The following PCNP variants were observed in gnomAD, a reference collection of about 807,000 sequenced individuals.
PCNP encodes the protein PEST proteolytic signal containing nuclear protein, also known as PEST proteolytic signal-containing nuclear protein.
Under a neutral mutation model 21.8 loss-of-function variants are expected in PCNP, and 6 were observed. The observed-to-expected ratio is 0.28, with a 90% CI of 0.15 to 0.54. The LOEUF (loss-of-function observed/expected upper bound fraction) is 0.54, where lower values mean the gene tolerates loss of function less well. PCNP is among the 20% of genes least tolerant of loss of function. PCNP has a pLI of 0.95. For missense variants in PCNP, 161 were observed against 215.5 expected (o/e 0.75, Z 1.58); for synonymous variants, 67 against 73.2 (o/e 0.92, Z 0.43).
Position 101,586,545 on chromosome 3 carries a change from C to CGTGTGTGTGTGTGTGTGT in PCNP, c.354+1044_354+1061dup, listed in dbSNP as rs377617517. The stretch of plus-strand genomic sequence containing the variant: ...CCAAAAGCATATGTGGGCGTATATT[C>CGTGTGTGTGTGTGTGTGT]GTGTGTGTGTGTGTGTGTGTGTGTG... On this transcript the variant is annotated intron_variant, in intron 3 of 4. Transcript: ENST00000265260. Among the ~76,000 whole-genome samples the CGTGTGTGTGTGTGTGTGT allele has an allele frequency of 2.3e-3, 231 of 99,712 alleles. 1 individual carries two copies. The highest frequency in any genetic ancestry group is 5.3e-3 in the Middle Eastern group (1 of 190). 65.4% of individuals were successfully genotyped at this position (99,712 alleles called of 152,430 possible).
At chr3:101,590,362 T>G (rs1935742185) in intron 4 of PCNP, 92 bp downstream of exon 4, 14 of 713,702 alleles carry the variant, frequency 2.0e-5, no homozygotes, top group Non-Finnish European at 3.0e-5. Context: ...CAGGCTTTTC[T>G]TGTGCATTTG....
intron 1 of PCNP, among the ~76,000 whole-genome samples, 181 bp downstream of exon 1, chr3:101,574,460 C>A (rs1934746918): frequency 6.6e-6 from 1 of 152,196 alleles, no homozygotes. Flanking sequence ...GGGCCTACAT[C>A]GCCTCCTTGC....
intron 2 of PCNP, among the ~76,000 whole-genome samples, chr3:101,584,982 C>T (rs555380598): frequency 6.6e-5 from 10 of 152,198 alleles, no homozygotes; most frequent in South Asian, 2.1e-4. Flanking sequence ...CCAGCCTGGG[C>T]GACAGAGCAA....
chr3:101,578,529 C>T (rs1406507504), intron 1 of PCNP, among the ~76,000 whole-genome samples: 4 of 152,192 alleles, frequency 2.6e-5, no homozygotes, highest in African/African-American at 9.7e-5. Flanking sequence ...CATAATCCTG[C>T]TTAATTTCCC....
At chr3:101,590,559 C>T (rs1935750482) in intron 4 of PCNP, among the ~76,000 whole-genome samples, 1 of 152,126 alleles carries the variant, frequency 6.6e-6, no homozygotes, top group African/African-American at 2.4e-5. Context: ...TTTAAGACTA[C>T]TTCTTGACAG....
chr3:101,574,781 T>G (rs1280957096), intron 1 of PCNP: 1 of 153,712 alleles, frequency 6.5e-6, no homozygotes, highest in East Asian at 1.9e-4. Flanking sequence ...TGCTGCTCCC[T>G]TTTCACTGAG....
chr3:101,578,835 T>G (rs146335695), intron 1 of PCNP, among the ~76,000 whole-genome samples: 7 of 152,298 alleles, frequency 4.6e-5, no homozygotes, highest in Non-Finnish European at 8.8e-5. Flanking sequence ...AAACTCTTGA[T>G]CCAGTGTAGC....
At chr3:101,586,081 G>C (rs1014487915) in intron 3 of PCNP, among the ~76,000 whole-genome samples, 2 of 146,322 alleles carry the variant, frequency 1.4e-5, no homozygotes, top group African/African-American at 5.1e-5. Flanking sequence ...TGAGGCAGGA[G>C]AATTGCTTGA....
At chr3:101,583,601 G>C (rs1005093566) in intron 2 of PCNP, among the ~76,000 whole-genome samples, 1 of 151,974 alleles carries the variant, frequency 6.6e-6, no homozygotes, top group Admixed American at 6.6e-5. Flanking sequence ...GGGTGACAGA[G>C]TAAGACCTTG....
intron 2 of PCNP, among the ~76,000 whole-genome samples, chr3:101,584,331 G>T (rs568190391): frequency 6.6e-6 from 1 of 152,158 alleles, no homozygotes; most frequent in Non-Finnish European, 1.5e-5. Flanking sequence ...AGAGATGGGG[G>T]ACTTGCTGTG....
At chr3:101,586,010 A>G (rs919104448) in intron 3 of PCNP, among the ~76,000 whole-genome samples, 1 of 151,978 alleles carries the variant, frequency 6.6e-6, no homozygotes, top group African/African-American at 2.4e-5. Flanking sequence ...ATCTCTACTA[A>G]AAATACAAAA....
At chr3:101,576,508 C>T (rs1035739714) in intron 1 of PCNP, 1 of 1,609,174 alleles carries the variant, frequency 6.2e-7, no homozygotes, top group South Asian at 1.1e-5. Flanking sequence ...CTTGGACACA[C>T]CCACGGTGCG....
intron 3 of PCNP, among the ~76,000 whole-genome samples, chr3:101,588,996 A>G (rs1935671507): frequency 6.6e-6 from 1 of 152,246 alleles, no homozygotes; most frequent in African/African-American, 2.4e-5. Flanking sequence ...AGAATATGTG[A>G]AAATAATATG....
At chr3:101,591,929 A>G (rs993519144) in intron 4 of PCNP, among the ~76,000 whole-genome samples, 2 of 151,542 alleles carry the variant, frequency 1.3e-5, no homozygotes, top group Non-Finnish European at 2.9e-5. Flanking sequence ...ACACCAGCAC[A>G]CCTGACTGAT....
At chr3:101,584,638 C>G (rs1935403979) in intron 2 of PCNP, among the ~76,000 whole-genome samples, 2 of 152,162 alleles carry the variant, frequency 1.3e-5, no homozygotes, top group African/African-American at 4.8e-5. Flanking sequence ...GATCTCACCT[C>G]ACTGCAACCT....
At chr3:101,576,762 A>G in intron 1 of PCNP, 3 of 1,611,714 alleles carry the variant, frequency 1.9e-6, no homozygotes, top group Admixed American at 1.7e-5. Flanking sequence ...GTTCCACCTC[A>G]TCATCAGTGA....
In PCNP at chr3:101,586,622, T is replaced by A. The variant is rs571826377; in HGVS notation, c.354+1111T>A. ...GTTTCAGAGAGAGAGAGAGAGAGAGTGTGTCTTGCTTTGTTGCCTAGGCCG... is the reference window on the plus strand; with the variant it reads ...GTTTCAGAGAGAGAGAGAGAGAGAGAGTGTCTTGCTTTGTTGCCTAGGCCG... On this transcript the variant is annotated intron_variant, in intron 3 of 4. Transcript: ENST00000265260. Among the ~76,000 whole-genome samples the A allele has an allele frequency of 5.1e-3, 688 of 134,520 alleles. 6 individuals are homozygous for A. Among genetic ancestry groups the A allele is most frequent in the Admixed American group, 0.014 (183 of 13,408 alleles). The allele number at this position is 134,520 out of a possible 152,430, so 88.3% of individuals were successfully genotyped here. A position where few individuals can be genotyped will look rare whatever the true frequency, so the allele number is the denominator to read the frequency against.
intron 2 of PCNP, among the ~76,000 whole-genome samples, chr3:101,582,935 A>G (rs144327500): frequency 1.5e-4 from 23 of 152,368 alleles, no homozygotes; most frequent in African/African-American, 5.5e-4. Flanking sequence ...GACCGAATTT[A>G]AGGGCTTGTA....
Position 101,589,767 on chromosome 3 carries a change from C to T in PCNP, c.355-448C>T, listed in dbSNP as rs1935713215. The T allele has an allele frequency of 2.2e-5, 4 of 183,404 alleles. No individual in the cohort carries two copies. The South Asian group carries it at 4.6e-4, about 21-fold the overall frequency. 11.4% of individuals were successfully genotyped at this position (183,404 alleles called of 1,614,324 possible). The stretch of plus-strand genomic sequence containing the variant: ...AGTAGATATTTTTGAGGAGCAGTAC[C>T]TTAAAGTGGTTAAGAACCTTTGCTT... On this transcript the variant is annotated intron_variant, in intron 3 of 4. Transcript: ENST00000265260.
Sources: gnomAD v4.1 joint callset for allele counts (sites outside exome capture counted in the v4.1 genomes callset) on GRCh38, gnomAD v4.1.1 for gene constraint, MANE v1.5 for transcripts, NCBI Gene and HGNC (gene_info 2026-07-23, HGNC 2026-07-21) for gene names.